NGF: variants seen among roughly 807,000 people sequenced by gnomAD.
NGF encodes nerve growth factor, also known as beta-nerve growth factor.
Under a neutral mutation model 12.8 loss-of-function variants are expected in NGF, and 4 were observed. The ratio of observed to expected loss-of-function variants is 0.31; its 90% CI spans 0.15 to 0.72. The LOEUF is 0.72. NGF is among the 30% of genes least tolerant of loss of function. The pLI is 0.69. For missense variants in NGF, 283 were observed against 330.8 expected (o/e 0.86, Z 1.12); for synonymous variants, 140 against 130.0 (o/e 1.08, Z -0.52).
intron 1 of NGF, among the ~76,000 whole-genome samples, chr1:115,315,342 G>A (rs1342154587): frequency 6.6e-6 from 1 of 152,192 alleles, no homozygotes; most frequent in Non-Finnish European, 1.5e-5. Context: ...CCAGGTGGGA[G>A]GTGATGGTCT....
intron 1 of NGF, among the ~76,000 whole-genome samples, chr1:115,334,122 A>G (rs981424449): frequency 4.6e-5 from 7 of 152,114 alleles, no homozygotes; most frequent in Admixed American, 1.3e-4. Flanking sequence ...CCTCGAGTGT[A>G]GTGTTGCTAG....
In NGF at chr1:115,308,847, G is replaced by A. The variant is rs149925102; in HGVS notation, c.-136-15097C>T. Among the ~76,000 whole-genome samples the A allele has an allele frequency of 3.8e-3, 580 of 152,306 alleles. 3 individuals are homozygous for A. The highest frequency in any genetic ancestry group is 0.014 in the African/African-American group (570 of 41,568). ...GTCATTCCACAAATGAGTATGTGAG[G>A]CTGAGACTTGAATATACCATTCATC... On this transcript the variant is annotated intron_variant, in intron 1 of 2. Transcript: ENST00000369512.
chr1:115,337,779 G>A (rs1209897416), intron 1 of NGF, among the ~76,000 whole-genome samples: 2 of 152,152 alleles, frequency 1.3e-5, no homozygotes, highest in Admixed American at 1.3e-4. Flanking sequence ...CTCCCCCCGC[G>A]GTGCTGGCCG....
chr1:115,320,446 A>T (rs547241943), intron 1 of NGF, among the ~76,000 whole-genome samples: 7 of 152,314 alleles, frequency 4.6e-5, no homozygotes, highest in African/African-American at 1.7e-4. Context: ...AAGCACTGCC[A>T]TACTGAAACA....
At chr1:115,325,006 A>C (rs536876070) in intron 1 of NGF, among the ~76,000 whole-genome samples, 1 of 152,358 alleles carries the variant, frequency 6.6e-6, no homozygotes, top group South Asian at 2.1e-4. Flanking sequence ...CATAAAATTA[A>C]GTATTAAAAA....
chr1:115,335,490 C>T (rs1169806878), intron 1 of NGF, among the ~76,000 whole-genome samples: 3 of 152,176 alleles, frequency 2.0e-5, no homozygotes, highest in African/African-American at 7.2e-5. Flanking sequence ...GTGAGATCAG[C>T]TAGTGAAAGA....
At chr1:115,305,411 C>T (rs1654175479) in intron 1 of NGF, among the ~76,000 whole-genome samples, 2 of 152,276 alleles carry the variant, frequency 1.3e-5, no homozygotes, top group South Asian at 4.1e-4. Context: ...TTTAACCCTA[C>T]TCTGCACTGC....
At position 115,291,949 on chromosome 1, in the gene NGF, G is replaced by A. The variant is rs138035321; in HGVS notation, c.-13+1678C>T. Among the ~76,000 whole-genome samples the A allele has an allele frequency of 3.7e-3, 558 of 152,248 alleles. 1 individual carries two copies. The highest frequency in any genetic ancestry group is 0.013 in the African/African-American group (531 of 41,532). Reference sequence around the variant, plus strand: ...GATTCTTGGGCTAGAGATGGGATACGTGAACCAGGGTCACTAACAGTTGGT... The same window carrying A: ...GATTCTTGGGCTAGAGATGGGATACATGAACCAGGGTCACTAACAGTTGGT... On this transcript the variant is annotated intron_variant, in intron 2 of 2. Coordinates refer to ENST00000369512, the MANE Select transcript of NGF (RefSeq NM_002506.3).
At chr1:115,319,952 C>T (rs1654573836) in intron 1 of NGF, among the ~76,000 whole-genome samples, 1 of 152,142 alleles carries the variant, frequency 6.6e-6, no homozygotes, top group Non-Finnish European at 1.5e-5. Flanking sequence ...GTGGCGAAGA[C>T]CACAAGAACA....
chr1:115,290,916 G>A (rs1653676919), intron 2 of NGF, among the ~76,000 whole-genome samples: 1 of 152,160 alleles, frequency 6.6e-6, no homozygotes, highest in South Asian at 2.1e-4. Flanking sequence ...TCTGCATGAT[G>A]ATGTTAAAGG....
At chr1:115,302,368 C>A (rs944947883) in intron 1 of NGF, among the ~76,000 whole-genome samples, 1 of 152,178 alleles carries the variant, frequency 6.6e-6, no homozygotes, top group Non-Finnish European at 1.5e-5. Context: ...AACAGACATC[C>A]TCCTTACTTC....
chr1:115,322,197 T>G (rs1654649273), intron 1 of NGF, among the ~76,000 whole-genome samples: 1 of 152,220 alleles, frequency 6.6e-6, no homozygotes, highest in South Asian at 2.1e-4. Context: ...CCCAGCACTT[T>G]CTGGCAGGGC....
rs886045115 is a variant in NGF, at chr1:115,286,319, C to T, written c.477G>A (p.Val159=). 1.2e-6 allele frequency: 2 copies of T among 1,614,096 alleles called. No individual in the cohort carries two copies. Among genetic ancestry groups the T allele is most frequent in the Admixed American group, 1.7e-5 (1 of 60,010 alleles). ...TGTTGTTAATGTTCACCTCTCCCAA[C>T]ACCATCACCTCCTTGCCCTTGATGT... The part of the protein sequence containing the change: ...ATDIKGKEVM[V]LGEVNINNSV... Residue 159 remains valine (V), a synonymous_variant, in exon 3 of 3, where the codon GTG becomes GTA. Coordinates refer to ENST00000369512, the MANE Select transcript of NGF (RefSeq NM_002506.3).
intron 1 of NGF, among the ~76,000 whole-genome samples, chr1:115,316,555 A>T (rs1654480604): frequency 6.6e-6 from 1 of 152,200 alleles, no homozygotes; most frequent in Non-Finnish European, 1.5e-5. Context: ...CTTAATGCTC[A>T]TAATAGCCCT....
chr1:115,330,724 G>T (rs550672638), intron 1 of NGF, among the ~76,000 whole-genome samples: 41 of 94,530 alleles, frequency 4.3e-4, no homozygotes, highest in Non-Finnish European at 9.6e-4. Flanking sequence ...TGTGGACTCG[G>T]TGACTTCACT....
chr1:115,319,488 G>C (rs759831036), intron 1 of NGF, among the ~76,000 whole-genome samples: 1 of 152,162 alleles, frequency 6.6e-6, no homozygotes, highest in South Asian at 2.1e-4. Flanking sequence ...CAAAACCCTC[G>C]CCTCTGGGAT....
At chr1:115,307,265 G>A (rs1654226950) in intron 1 of NGF, among the ~76,000 whole-genome samples, 1 of 152,194 alleles carries the variant, frequency 6.6e-6, no homozygotes, top group Non-Finnish European at 1.5e-5. Flanking sequence ...ATTGAGAGAG[G>A]AGGGGAGTAA....
intron 1 of NGF, among the ~76,000 whole-genome samples, chr1:115,327,304 T>TCAGA (rs1654803558): frequency 1.3e-5 from 2 of 152,256 alleles, no homozygotes; most frequent in Non-Finnish European, 2.9e-5. Context: ...ATATTTGTGT[T>TCAGA]GCTTTATGAA....
intron 1 of NGF, among the ~76,000 whole-genome samples, chr1:115,302,957 G>T (rs1388234881): frequency 1.3e-5 from 2 of 152,116 alleles, no homozygotes; most frequent in Non-Finnish European, 2.9e-5. Flanking sequence ...ACCACTTTCA[G>T]CCCTGCTTTC....
Sources: gnomAD v4.1 joint callset for allele counts (sites outside exome capture counted in the v4.1 genomes callset) on GRCh38, gnomAD v4.1.1 for gene constraint, MANE v1.5 for transcripts, NCBI Gene and HGNC (gene_info 2026-07-23, HGNC 2026-07-21) for gene names.